Variants in MBNL2 observed in about 807,000 individuals in gnomAD.
MBNL2 encodes muscleblind-like protein 2.
A neutral mutation model predicts 41.9 loss-of-function variants in MBNL2; 17 were observed. The ratio of observed to expected loss-of-function variants is 0.41; its 90% confidence interval spans 0.28 to 0.61. MBNL2 has a LOEUF of 0.61. Among genes scored for constraint, MBNL2 ranks in the 20% least tolerant of loss-of-function variants. The pLI is 0.35. For missense variants in MBNL2, 336 were observed against 505.6 expected (o/e 0.66, Z 3.22); for synonymous variants, 195 against 182.9 (o/e 1.07, Z -0.53).
At chr13:97,290,339 G>A (rs181053569) in intron 2 of MBNL2, among the ~76,000 whole-genome samples, 1 of 152,074 alleles carries the variant, frequency 6.6e-6, no homozygotes, top group Non-Finnish European at 1.5e-5. Context: ...TGACCTCGTG[G>A]GATTTTCATT....
the MBNL2 span, among the ~76,000 whole-genome samples, chr13:97,148,741 G>A: frequency 6.6e-6 from 1 of 152,134 alleles, no homozygotes; most frequent in African/African-American, 2.4e-5. Flanking sequence ...TTATGCTAAG[G>A]TATACCTTGT....
chr13:97,296,638 C>T (rs576189445), intron 2 of MBNL2, among the ~76,000 whole-genome samples: 1 of 152,116 alleles, frequency 6.6e-6, no homozygotes, highest in South Asian at 2.1e-4. Flanking sequence ...AGGATGCTGT[C>T]GATTTTTCTT....
intron 8 of MBNL2, among the ~76,000 whole-genome samples, chr13:97,371,345 C>T (rs1434785172): frequency 6.6e-6 from 1 of 152,152 alleles, no homozygotes; most frequent in African/African-American, 2.4e-5. Flanking sequence ...GCAAGAAGTA[C>T]TTTCCCTGTC....
rs532265226 is a variant in MBNL2 at position 97,349,046 on chromosome 13, C to CTGTTTT, written c.804+1991_804+1996dup. Among the ~76,000 whole-genome samples the CTGTTTT allele has an allele frequency of 1.8e-4, 28 of 152,288 alleles. No individual in the cohort carries two copies. In the East Asian group the frequency reaches 5.4e-3, roughly 29 times the overall value. Reference sequence around the variant, plus strand: ...AGCACTGGCCTCGTCATCTAAATCACTGTTTTTGTTTTTGTTTAATCTCTG... The same window carrying CTGTTTT: ...AGCACTGGCCTCGTCATCTAAATCACTGTTTTTGTTTTTGTTTTTGTTTAATCTCTG... On this transcript the variant is annotated intron_variant, in intron 5 of 8. Transcript: ENST00000679496.
intron 1 of MBNL2, among the ~76,000 whole-genome samples, chr13:97,242,730 T>A (rs2044549892): frequency 6.6e-6 from 1 of 151,444 alleles, no homozygotes; most frequent in Admixed American, 6.6e-5. Flanking sequence ...CTAAGAAACA[T>A]TAAAAGAGCT....
chr13:97,188,843 C>T, the MBNL2 span, among the ~76,000 whole-genome samples: 2 of 152,128 alleles, frequency 1.3e-5, no homozygotes, highest in African/African-American at 2.4e-5. Flanking sequence ...CCAACCCAGC[C>T]CTCATTCCTT....
At chr13:97,203,943 C>T in the MBNL2 span, among the ~76,000 whole-genome samples, 14 of 151,484 alleles carry the variant, frequency 9.2e-5, no homozygotes, top group Non-Finnish European at 2.1e-4. Flanking sequence ...GATGGACAGA[C>T]GGATGGATGG....
intron 2 of MBNL2, among the ~76,000 whole-genome samples, chr13:97,310,715 C>G (rs951877350): frequency 1.3e-5 from 2 of 151,986 alleles, no homozygotes; most frequent in Non-Finnish European, 2.9e-5. Flanking sequence ...AGGAGTGAAC[C>G]ACTGAGCCCG....
chr13:97,251,886 C>T (rs1421704119), intron 1 of MBNL2, among the ~76,000 whole-genome samples: 2 of 135,076 alleles, frequency 1.5e-5, no homozygotes, highest in Non-Finnish European at 3.1e-5. Flanking sequence ...CTCCGTCGCC[C>T]AGGCCGGACT....
intron 2 of MBNL2, among the ~76,000 whole-genome samples, chr13:97,303,000 C>A (rs1444724423): frequency 6.6e-6 from 1 of 152,160 alleles, no homozygotes; most frequent in Non-Finnish European, 1.5e-5. Context: ...CTCTACAGTG[C>A]CCAAGTGGCA....
intron 8 of MBNL2, among the ~76,000 whole-genome samples, chr13:97,373,937 A>G (rs1213234869): frequency 2.6e-5 from 4 of 151,958 alleles, no homozygotes; most frequent in Non-Finnish European, 5.9e-5. Flanking sequence ...TGTATATAGC[A>G]CATAAAGACA....
the MBNL2 span, among the ~76,000 whole-genome samples, chr13:97,206,881 T>C: frequency 1.8e-4 from 27 of 152,332 alleles, no homozygotes; most frequent in East Asian, 5.0e-3. Flanking sequence ...GTTAAAGTCA[T>C]GACCAAACTA....
intron 3 of MBNL2, among the ~76,000 whole-genome samples, chr13:97,337,305 A>T (rs56323958): frequency 0.44 from 67,121 of 152,032 alleles, 14,880 homozygotes; most frequent in Admixed American, 0.49. Flanking sequence ...AATTCAATTC[A>T]GTTGTTTGTA....
At chr13:97,269,093 C>G (rs758592755) in intron 1 of MBNL2, among the ~76,000 whole-genome samples, 2 of 152,090 alleles carry the variant, frequency 1.3e-5, no homozygotes, top group East Asian at 1.9e-4. Flanking sequence ...AAGGAGAGGG[C>G]CTGCCAGAGA....
intron 8 of MBNL2, among the ~76,000 whole-genome samples, chr13:97,381,573 GA>G (rs1035182439): frequency 6.6e-6 from 1 of 151,168 alleles, no homozygotes. Flanking sequence ...ATCTCATTTT[GA>G]AAAAAACCCA....
Position 97,334,148 on chromosome 13 carries a change from C to CCACACACACACA in MBNL2, c.175-111_175-100dup, listed in dbSNP as rs34820289. 3,676 of 546,982 alleles carry CCACACACACACA rather than the reference C, an allele frequency of 6.7e-3. 8 individuals are homozygous for CCACACACACACA. Among genetic ancestry groups the CCACACACACACA allele is most frequent in the Non-Finnish European group, 8.0e-3 (2,485 of 311,678 alleles). The allele number at this position is 546,982 out of a possible 1,614,324, so 33.9% of individuals were successfully genotyped here. Reference sequence around the variant, plus strand: ...AACACATGAGCATGCGCGCGCACACCCACACACACACACACACACACACAC... The same window carrying CCACACACACACA: ...AACACATGAGCATGCGCGCGCACACCCACACACACACACACACACACACACACACACACACAC... On this transcript the variant is annotated intron_variant, in intron 2 of 8. Transcript: ENST00000679496. This position sits in a 1 kb window ranked among gnomAD's most constrained non-coding sequence, Gnocchi z 5.3.
intron 1 of MBNL2, among the ~76,000 whole-genome samples, chr13:97,265,742 A>G (rs768702102): frequency 2.0e-5 from 3 of 152,136 alleles, no homozygotes; most frequent in African/African-American, 7.2e-5. Context: ...TTGATAGTAT[A>G]CTACTAAATA....
intron 1 of MBNL2, among the ~76,000 whole-genome samples, chr13:97,273,086 A>T (rs1193711520): frequency 6.6e-6 from 1 of 152,218 alleles, no homozygotes; most frequent in African/African-American, 2.4e-5. Context: ...CATCTATGCA[A>T]CAGTACCTAT....
the MBNL2 span, among the ~76,000 whole-genome samples, chr13:97,159,593 T>C: frequency 6.6e-6 from 1 of 151,926 alleles, no homozygotes; most frequent in South Asian, 2.1e-4. Context: ...GCAGGCCTGG[T>C]GGTGACAAAA....
Sources: allele counts gnomAD v4.1 joint callset (sites outside exome capture counted in the v4.1 genomes callset), GRCh38; gene constraint gnomAD v4.1.1; non-coding constraint Gnocchi (gnomAD v3.1); transcripts MANE v1.5; gene names NCBI Gene and HGNC (gene_info 2026-07-23, HGNC 2026-07-21).